RBFOX1: variants seen among roughly 807,000 people sequenced by gnomAD.
RBFOX1 encodes RNA binding protein fox-1 homolog 1.
In RBFOX1, 8 loss-of-function variants were observed where a neutral mutation model predicts 57.7. The ratio of observed to expected loss-of-function variants is 0.14; its 90% CI spans 0.08 to 0.25. The LOEUF is 0.25. Among genes scored for constraint, RBFOX1 ranks in the 10% least tolerant of loss-of-function variants. The probability of loss-of-function intolerance (pLI) is 1.00; values close to 1 mark genes in which losing one functional copy is unlikely to be tolerated. For synonymous variants in RBFOX1, 326 were observed against 222.4 expected, an observed-to-expected ratio of 1.47 and a Z score of -4.15; for missense variants, 611 against 548.5, an observed-to-expected ratio of 1.11 and a Z score of -1.14.
At chr16:6,464,663 C>G (rs575140223) in intron 2 of RBFOX1, among the ~76,000 whole-genome samples, 1 of 152,224 alleles carries the variant, frequency 6.6e-6, no homozygotes, top group African/African-American at 2.4e-5. Context: ...ATAGTTAATT[C>G]TTCGCAATGA....
At chr16:6,196,255 C>T (rs149887421) in intron 1 of RBFOX1, among the ~76,000 whole-genome samples, 27 of 152,230 alleles carry the variant, frequency 1.8e-4, no homozygotes, top group African/African-American at 5.8e-4. Flanking sequence ...TTCCTAAGCT[C>T]GTGCTTTTTT....
intron 1 of RBFOX1, among the ~76,000 whole-genome samples, chr16:6,155,746 C>G (rs1034021894): frequency 6.6e-6 from 1 of 152,282 alleles, no homozygotes; most frequent in African/African-American, 2.4e-5. Context: ...CGGCAGGTGG[C>G]TAACAGCGGC....
chr16:5,508,684 C>T (rs752141067), intron 2 of RBFOX1, among the ~76,000 whole-genome samples: 2 of 152,084 alleles, frequency 1.3e-5, no homozygotes, highest in African/African-American at 4.8e-5. Context: ...GGGAGGACTG[C>T]ACAGAGCGAT....
intron 2 of RBFOX1, among the ~76,000 whole-genome samples, chr16:5,524,268 G>A (rs1173724635): frequency 3.9e-5 from 6 of 152,268 alleles, no homozygotes; most frequent in African/African-American, 7.2e-5. Flanking sequence ...ACATATTTCC[G>A]TGCTGTGTTA....
chr16:7,322,472 A>T (rs1281757856), intron 4 of RBFOX1, among the ~76,000 whole-genome samples: 1 of 152,254 alleles, frequency 6.6e-6, no homozygotes, highest in Non-Finnish European at 1.5e-5. Flanking sequence ...GACTTTGCGC[A>T]TGCCTGCCCT....
rs79013738 is a variant in RBFOX1, at chr16:6,209,467, C to G, written c.-126-107528C>G. ...CCTTAGTTGAGGTTGAGCTTAATGC[C>G]GTCTCATCTAATACACGTAACCTCT... is the stretch of plus-strand genomic sequence containing the variant. On this transcript the variant is annotated intron_variant, in intron 1 of 15. Coordinates refer to ENST00000550418, the MANE Select transcript of RBFOX1 (RefSeq NM_018723.4). Among the ~76,000 whole-genome samples the G allele has an allele frequency of 1.6e-3, 247 of 152,288 alleles. 1 individual carries two copies. The highest frequency in any genetic ancestry group is 4.6e-3 in the African/African-American group (192 of 41,550).
chr16:6,924,877 C>T (rs1362296163), intron 3 of RBFOX1, among the ~76,000 whole-genome samples: 2 of 140,376 alleles, frequency 1.4e-5, no homozygotes, highest in Non-Finnish European at 3.0e-5. Flanking sequence ...GTGATGTTCC[C>T]CTTCCTGTGT....
At chr16:6,962,344 G>C (rs1020815140) in intron 3 of RBFOX1, among the ~76,000 whole-genome samples, 1 of 152,138 alleles carries the variant, frequency 6.6e-6, no homozygotes, top group Non-Finnish European at 1.5e-5. Context: ...CATCTGCAAA[G>C]ATCCTACACA....
chr16:5,384,973 C>G (rs1271087925), intron 1 of RBFOX1, among the ~76,000 whole-genome samples: 1 of 152,170 alleles, frequency 6.6e-6, no homozygotes, highest in East Asian at 1.9e-4. Flanking sequence ...AAAACAAAAT[C>G]GCTTACTGCA....
At chr16:5,999,237 C>G (rs1249911795) in intron 4 of RBFOX1, among the ~76,000 whole-genome samples, 4 of 152,170 alleles carry the variant, frequency 2.6e-5, no homozygotes, top group Non-Finnish European at 5.9e-5. Flanking sequence ...CCCACCTTAT[C>G]TCTACCACAG....
rs150246254 is a variant in RBFOX1, at chr16:7,613,278, C to G, written c.676+5940C>G. ...GAGAGGGAAAAGAAAATGACAGGAA[C>G]TAAAAATGCGCCATGCCTGACTGCA... On this transcript the variant is annotated intron_variant, in intron 10 of 15. Transcript: ENST00000550418. Among the ~76,000 whole-genome samples the G allele has an allele frequency of 5.0e-4, 76 of 152,244 alleles. No individual in the cohort carries two copies. In the East Asian group the frequency reaches 0.013, roughly 25 times the overall value.
chr16:5,668,457 A>G (rs776766786), intron 3 of RBFOX1, among the ~76,000 whole-genome samples: 19 of 152,224 alleles, frequency 1.2e-4, no homozygotes, highest in Non-Finnish European at 1.8e-4. Flanking sequence ...CTGGTAGCCA[A>G]AATCATCAGA....
At chr16:6,320,269 T>C (rs910301215) in intron 2 of RBFOX1, among the ~76,000 whole-genome samples, 18 of 152,134 alleles carry the variant, frequency 1.2e-4, no homozygotes, top group Admixed American at 1.2e-3. Context: ...ATAAAGGAAA[T>C]TCCATCTCTA....
At chr16:5,531,931 C>G (rs1478351880) in intron 2 of RBFOX1, among the ~76,000 whole-genome samples, 4 of 151,890 alleles carry the variant, frequency 2.6e-5, no homozygotes, top group Non-Finnish European at 4.4e-5. Context: ...TCCTGAATAG[C>G]TGGGATTACA....
intron 2 of RBFOX1, among the ~76,000 whole-genome samples, chr16:6,609,197 C>G (rs766230037): frequency 2.0e-5 from 3 of 152,184 alleles, no homozygotes; most frequent in Non-Finnish European, 4.4e-5. Flanking sequence ...TTAGGGGCCA[C>G]AATTCTGCCT....
At chr16:6,895,446 G>GTATATATATATATA (rs1439276748) in intron 3 of RBFOX1, among the ~76,000 whole-genome samples, 5 of 57,096 alleles carry the variant, frequency 8.8e-5, no homozygotes, top group Admixed American at 1.8e-4. Flanking sequence ...GTGTGTGTGT[G>GTATATATATATATA]TGTATATATA....
chr16:7,305,803 A>C (rs2142244217), intron 4 of RBFOX1, among the ~76,000 whole-genome samples: 1 of 152,294 alleles, frequency 6.6e-6, no homozygotes, highest in Middle Eastern at 3.4e-3. Flanking sequence ...TTGTTCTTTT[A>C]AATATTATTT....
intron 1 of RBFOX1, among the ~76,000 whole-genome samples, chr16:5,361,830 G>A (rs1368970306): frequency 6.6e-6 from 1 of 152,216 alleles, no homozygotes; most frequent in Non-Finnish European, 1.5e-5. Flanking sequence ...GGGAGACATA[G>A]AGAAAGTACT....
At chr16:6,422,673 G>C (rs78397580) in intron 2 of RBFOX1, among the ~76,000 whole-genome samples, 6,199 of 152,182 alleles carry the variant, frequency 0.041, 194 homozygotes, top group Non-Finnish European at 0.06. Context: ...GAACAAGAGG[G>C]GCGGCGCTGA....
Sources: gnomAD v4.1 joint callset for allele counts (sites outside exome capture counted in the v4.1 genomes callset) on GRCh38, gnomAD v4.1.1 for gene constraint, MANE v1.5 for transcripts, NCBI Gene and HGNC (gene_info 2026-07-23, HGNC 2026-07-21) for gene names.